NDST1: variants seen among roughly 807,000 people sequenced by gnomAD.
NDST1 encodes the protein bifunctional heparan sulfate N-deacetylase/N-sulfotransferase 1.
A neutral mutation model predicts 92.8 loss-of-function variants in NDST1; 35 were observed. The observed-to-expected ratio is 0.38, with a 90% CI of 0.29 to 0.50. The LOEUF (loss-of-function observed/expected upper bound fraction) is 0.50, where lower values mean the gene tolerates loss of function less well. NDST1 is among the 20% of genes least tolerant of loss of function. The pLI is 0.94. For missense variants in NDST1, 822 were observed against 1,182.7 expected, an observed-to-expected ratio of 0.69 and a Z score of 4.47; for synonymous variants, 493 against 500.3, an observed-to-expected ratio of 0.99 and a Z score of 0.19.
rs772360678 is a variant in NDST1, at chr5:150,540,123, C to T, written c.1608C>T (p.Asp536=). ...CGCACCTGTCCAACTATGGGAATGA[C>T]CGCCTGGGCCTGTACACCTTCAAGC... ...FMTHLSNYGN[D]RLGLYTFKHL... is the part of the protein sequence containing the mutation. The change falls in exon 8 of 15, where the codon GAC becomes GAT. Residue 536 remains aspartate, a synonymous_variant. Transcript: ENST00000261797. 5 of 1,614,228 alleles carry T rather than the reference C, an allele frequency of 3.1e-6. No individual in the cohort carries two copies. Among genetic ancestry groups the T allele is most frequent in the Non-Finnish European group, 4.2e-6 (5 of 1,180,050 alleles).
rs904398356 is a variant in NDST1, at chr5:150,556,383, T to G, written c.*3051T>G. On this transcript the variant is annotated 3_prime_UTR_variant, in exon 15 of 15. Coordinates refer to ENST00000261797, the MANE Select transcript of NDST1 (RefSeq NM_001543.5). Reference sequence around the variant, plus strand: ...GCCCCCCTGATGAGCAGTCAGTGCTTCTGGGCCCAGCTAAGGAAGCCATCT... The same window carrying G: ...GCCCCCCTGATGAGCAGTCAGTGCTGCTGGGCCCAGCTAAGGAAGCCATCT... 2 of 152,228 alleles carry G rather than the reference T, an allele frequency of 1.3e-5. No homozygotes were observed. Among genetic ancestry groups the G allele is most frequent in the African/African-American group, 4.8e-5 (2 of 41,436 alleles). 9.4% of individuals were successfully genotyped at this position (152,228 alleles called of 1,614,324 possible).
At chr5:150,516,611 A>G (rs1480540161) in intron 1 of NDST1, among the ~76,000 whole-genome samples, 3 of 152,170 alleles carry the variant, frequency 2.0e-5, no homozygotes, top group African/African-American at 7.2e-5. Context: ...CCATCAATCT[A>G]GGACTTTAGG....
At chr5:150,527,589 A>C (rs531651608) in intron 2 of NDST1, among the ~76,000 whole-genome samples, 6 of 152,200 alleles carry the variant, frequency 3.9e-5, no homozygotes, top group Non-Finnish European at 8.8e-5. Flanking sequence ...CCTGTCTGCA[A>C]AGTGCACAGC....
At chr5:150,505,079 C>A (rs1051248016), upstream of NDST1, among the ~76,000 whole-genome samples, 2 of 152,172 alleles carry the variant, frequency 1.3e-5, no homozygotes, top group African/African-American at 4.8e-5. Flanking sequence ...CGCAGCAATG[C>A]CTGTGAAAAT....
intron 1 of NDST1, among the ~76,000 whole-genome samples, chr5:150,500,139 G>C (rs1273338169): frequency 6.6e-6 from 1 of 152,230 alleles, no homozygotes; most frequent in Non-Finnish European, 1.5e-5. Flanking sequence ...TCCTGGAAGA[G>C]GTCTTAGCTG....
At chr5:150,499,388 C>A (rs1753132141) in intron 1 of NDST1, among the ~76,000 whole-genome samples, 1 of 152,206 alleles carries the variant, frequency 6.6e-6, no homozygotes, top group South Asian at 2.1e-4. Flanking sequence ...TCTTTCTGGT[C>A]ACTGGAGGCA....
In NDST1 at chr5:150,551,962, G is replaced by A. The variant is rs1024036795; in HGVS notation, c.2529+107G>A. Reference sequence around the variant, plus strand: ...TTACCATGCACTCAGCATGTTCATGGCCTTAGCATTTCTTGGACAGTATTT... The same window carrying A: ...TTACCATGCACTCAGCATGTTCATGACCTTAGCATTTCTTGGACAGTATTT... On this transcript the variant is annotated intron_variant, in intron 14 of 14. Coordinates refer to ENST00000261797, the MANE Select transcript of NDST1 (RefSeq NM_001543.5). 79 of 1,516,612 alleles carry A rather than the reference G, an allele frequency of 5.2e-5. No individual in the cohort carries two copies. The African/African-American group carries it at 1.0e-3, about 20-fold the overall frequency. The allele number at this position is 1,516,612 out of a possible 1,614,324, so 93.9% of individuals were successfully genotyped here. A position where few individuals can be genotyped will look rare whatever the true frequency, so the allele number is the denominator to read the frequency against.
chr5:150,546,742 G>T (rs1755503325), intron 11 of NDST1, among the ~76,000 whole-genome samples: 1 of 152,264 alleles, frequency 6.6e-6, no homozygotes, highest in South Asian at 2.1e-4. Context: ...GCTGGCACCT[G>T]CCTCCTCTTT....
upstream of NDST1, among the ~76,000 whole-genome samples, chr5:150,506,084 C>T (rs1469164553): frequency 6.6e-6 from 1 of 152,092 alleles, no homozygotes; most frequent in East Asian, 1.9e-4. Context: ...CAGGAGGTGC[C>T]CGCTGTGTGC....
At position 150,528,264 on chromosome 5, in the gene NDST1, A is replaced by G. The variant is rs780790768; in HGVS notation, c.974A>G (p.Lys325Arg). The change falls in exon 3 of 15, where the codon AAG (lysine) becomes AGG (arginine). Residue 325 changes from lysine to arginine, a missense_variant. By Grantham distance (26) the Lys-to-Arg change is conservative. Coordinates refer to ENST00000261797, the MANE Select transcript of NDST1 (RefSeq NM_001543.5). ...GACATTGATGACATCTTCGTGGGCAAGGAGGGCACACGCATGAAGGTGGAG... is the reference window on the plus strand; with the variant it reads ...GACATTGATGACATCTTCGTGGGCAGGGAGGGCACACGCATGAAGGTGGAG... ...LVDIDDIFVG[K>R]EGTRMKVEDV... 1.2e-6 allele frequency: 2 copies of G among 1,607,470 alleles called. No individual in the cohort carries two copies. Among genetic ancestry groups the G allele is most frequent in the South Asian group, 1.1e-5 (1 of 90,850 alleles).
At chr5:150,539,152 T>G in intron 6 of NDST1, 76 bp from the exon 7 acceptor site, 2 of 1,254,388 alleles carry the variant, frequency 1.6e-6, no homozygotes, top group East Asian at 2.3e-5. Flanking sequence ...CTGGGCCTTC[T>G]TCCTCTGAGG....
chr5:150,523,514 A>G (rs1754333033), intron 2 of NDST1, among the ~76,000 whole-genome samples: 1 of 152,354 alleles, frequency 6.6e-6, no homozygotes, highest in East Asian at 1.9e-4. Context: ...AGGATAAGCA[A>G]TGTGTCCAAG....
At chr5:150,498,814 C>G (rs1490717096) in intron 1 of NDST1, among the ~76,000 whole-genome samples, 1 of 152,216 alleles carries the variant, frequency 6.6e-6, no homozygotes, top group African/African-American at 2.4e-5. Context: ...GGCCCCTCCT[C>G]CCGCTACCTG....
chr5:150,526,565 G>A (rs574266862), intron 2 of NDST1, among the ~76,000 whole-genome samples: 18 of 152,320 alleles, frequency 1.2e-4, no homozygotes, highest in South Asian at 2.1e-4. Context: ...GTCCAAAGGC[G>A]AAACATCATA....
chr5:150,547,930 C>T (rs1755563279), intron 11 of NDST1, among the ~76,000 whole-genome samples: 1 of 152,170 alleles, frequency 6.6e-6, no homozygotes, highest in Non-Finnish European at 1.5e-5. Context: ...GTGATCCACC[C>T]ACCCCAGCCT....
In NDST1 at chr5:150,551,789, T is replaced by C. The variant is rs2151306121; in HGVS notation, c.2463T>C (p.Leu821=). 1.9e-6 allele frequency: 3 copies of C among 1,613,636 alleles called. No individual in the cohort carries two copies. In the East Asian group the frequency reaches 6.7e-5, roughly 36 times the overall value. ...AGAAAGGATTTTGGTGCCAACTGCT[T>C]GAAGGAGGAAAAACCAAGTGTCTGG... ...DPKKGFWCQL[L]EGGKTKCLGK... Residue 821 remains leucine, a synonymous_variant, in exon 14 of 15, where the codon CTT becomes CTC. Coordinates refer to ENST00000261797, the MANE Select transcript of NDST1 (RefSeq NM_001543.5).
At chr5:150,532,131 T>G (rs1183098674) in intron 3 of NDST1, among the ~76,000 whole-genome samples, 1 of 152,208 alleles carries the variant, frequency 6.6e-6, no homozygotes, top group Non-Finnish European at 1.5e-5. Flanking sequence ...GTACAATATC[T>G]TTTTTACAAT....
At position 150,498,705 on chromosome 5, in the gene NDST1, C is replaced by T. The variant is rs866162592; in HGVS notation, c.-388+466C>T. On this transcript the variant is annotated intron_variant, in intron 1 of 1. Transcript: ENST00000518299. ...CTCTCCCTTCCCCCCACGGAGCTGT[C>T]GTTAGCTGACCTGTTCCTCAAGCTC... Among the ~76,000 whole-genome samples, 16 of 152,196 alleles carry T rather than the reference C, an allele frequency of 1.1e-4. 1 individual carries two copies. Among genetic ancestry groups the T allele is most frequent in the Admixed American group, 7.9e-4 (12 of 15,280 alleles).
upstream of NDST1, among the ~76,000 whole-genome samples, chr5:150,503,494 A>G (rs1753319981): frequency 1.3e-5 from 2 of 152,230 alleles, no homozygotes; most frequent in African/African-American, 2.4e-5. Context: ...AGGCCCTGGC[A>G]TATAGCACAC....
Sources: gnomAD v4.1 joint callset for allele counts (sites outside exome capture counted in the v4.1 genomes callset) on GRCh38, gnomAD v4.1.1 for gene constraint, MANE v1.5 for transcripts, NCBI Gene and HGNC (gene_info 2026-07-23, HGNC 2026-07-21) for gene names.